RGS12: variants seen among roughly 807,000 people sequenced by gnomAD.
RGS12 encodes the protein regulator of G-protein signaling 12.
RGS12 carries 66 observed loss-of-function variants against 120.1 expected under a neutral mutation model. The ratio of observed to expected loss-of-function variants is 0.55; its 90% CI spans 0.45 to 0.67. The LOEUF is 0.67. RGS12 is among the 30% of genes least tolerant of loss of function. RGS12 has a pLI of 0.00. For missense variants in RGS12, 1,859 were observed against 1,957.7 expected (o/e 0.95, Z 0.95); for synonymous variants, 827 against 804.7 (o/e 1.03, Z -0.47).
chr4:3,349,742 G>A (rs1175643019), intron 3 of RGS12, among the ~76,000 whole-genome samples: 1 of 152,046 alleles, frequency 6.6e-6, no homozygotes, highest in African/African-American at 2.4e-5. Context: ...TTGGAAACAT[G>A]TTTTCCCGTT....
chr4:3,315,817 C>T (rs1724699481), intron 1 of RGS12, among the ~76,000 whole-genome samples: 1 of 152,212 alleles, frequency 6.6e-6, no homozygotes, highest in African/African-American at 2.4e-5. Context: ...GGAAGCAGTC[C>T]TGCATCCTCA....
chr4:3,422,479 G>A lies in RGS12; in HGVS notation c.2942G>A (p.Gly981Asp). 2 of 1,613,088 alleles carry A rather than the reference G, an allele frequency of 1.2e-6. No individual in the cohort carries two copies. Among genetic ancestry groups the A allele is most frequent in the Non-Finnish European group, 1.7e-6 (2 of 1,179,992 alleles). ...TCCTGCGTGGTGGCTGTCAAGGCGG[G>A]CTTCTCCATCAAAGACATCCTGTCC... ...GTSCVVAVKA[G>D]FSIKDILSGL... The change falls in exon 11 of 18, where the codon GGC becomes GAC. Residue 981 changes from glycine to aspartate, a missense_variant. Around this residue, in one of 3 missense-constraint regions of RGS12, gnomAD observed 375 missense variants for 475.0 expected, o/e 0.79. Transcript: ENST00000336727.
chr4:3,421,009 A>C (rs1417250018), intron 10 of RGS12, among the ~76,000 whole-genome samples: 1 of 152,252 alleles, frequency 6.6e-6, no homozygotes, highest in Admixed American at 6.5e-5. Flanking sequence ...TTATTTCTTA[A>C]GTCTTTTTGT....
upstream of RGS12, among the ~76,000 whole-genome samples, chr4:3,292,461 C>T (rs1215312333): frequency 1.3e-5 from 2 of 152,192 alleles, no homozygotes; most frequent in East Asian, 1.9e-4. Context: ...GAACTCACGC[C>T]GCCCCCGAAG....
At chr4:3,425,165 GGTCA>G (rs1346494734) in intron 13 of RGS12, among the ~76,000 whole-genome samples, 2 of 152,142 alleles carry the variant, frequency 1.3e-5, no homozygotes, top group African/African-American at 4.8e-5. Context: ...CAGTTTCGAG[GGTCA>G]GTATTTCCCT....
chr4:3,294,497 T>G (rs1353748646), intron 1 of RGS12, among the ~76,000 whole-genome samples: 1 of 152,222 alleles, frequency 6.6e-6, no homozygotes, highest in Non-Finnish European at 1.5e-5. Context: ...AAAAGCGATA[T>G]AAAAAGGTCC....
chr4:3,431,391 C>G (rs1213598121), intron 17 of RGS12: 1 of 1,016,940 alleles, frequency 9.8e-7, no homozygotes, highest in East Asian at 1.1e-4. Flanking sequence ...CCGCTGTGTT[C>G]ATAGCAGGAG....
chr4:3,368,619 GGGGGGTACATGTGTGTGTGT>G (rs1349737297), intron 3 of RGS12, among the ~76,000 whole-genome samples: 2 of 124,164 alleles, frequency 1.6e-5, no homozygotes, highest in East Asian at 5.0e-4. Context: ...CCTGTGTGTG[GGGGGGTACATGTGTGTGTGT>G]GGTACGTGTG....
At chr4:3,382,823 G>A (rs1050663093) in intron 3 of RGS12, among the ~76,000 whole-genome samples, 2 of 152,066 alleles carry the variant, frequency 1.3e-5, no homozygotes, top group African/African-American at 4.8e-5. Context: ...ATTCCATATG[G>A]TTCTGTTTCC....
At chr4:3,343,363 C>T (rs563338718) in intron 3 of RGS12, among the ~76,000 whole-genome samples, 2 of 152,294 alleles carry the variant, frequency 1.3e-5, no homozygotes, top group South Asian at 4.1e-4. Context: ...GTCATTGCCC[C>T]CTTAAAGACG....
At chr4:3,343,647 C>T (rs778698042) in intron 3 of RGS12, among the ~76,000 whole-genome samples, 21 of 151,928 alleles carry the variant, frequency 1.4e-4, no homozygotes, top group Non-Finnish European at 2.6e-4. Flanking sequence ...GGTTCCTGCC[C>T]GTGCTGTCCT....
intron 3 of RGS12, among the ~76,000 whole-genome samples, chr4:3,368,238 C>T (rs999979864): frequency 1.3e-5 from 2 of 152,194 alleles, no homozygotes; most frequent in Non-Finnish European, 2.9e-5. Flanking sequence ...ATGAGGTTAA[C>T]GGGCAGGTCA....
At chr4:3,324,388 TG>T in intron 2 of RGS12, 1 of 207,864 alleles carries the variant, frequency 4.8e-6, no homozygotes, top group Non-Finnish European at 9.7e-6. Context: ...CATCTCTTAG[TG>T]GGGATGTCCC....
chr4:3,361,811 T>A (rs988870821), intron 3 of RGS12, among the ~76,000 whole-genome samples: 1 of 152,090 alleles, frequency 6.6e-6, no homozygotes, highest in South Asian at 2.1e-4. Context: ...TTAAGTCAGG[T>A]TCAGACAGAG....
chr4:3,303,660 C>T (rs767693201), intron 1 of RGS12, among the ~76,000 whole-genome samples: 6 of 152,182 alleles, frequency 3.9e-5, no homozygotes, highest in African/African-American at 7.2e-5. Flanking sequence ...GGCTTCCCCC[C>T]GCCCCACAGA....
At chr4:3,399,796 G>T (rs145039293) in intron 4 of RGS12, among the ~76,000 whole-genome samples, 2 of 152,320 alleles carry the variant, frequency 1.3e-5, no homozygotes, top group African/African-American at 4.8e-5. Context: ...AAAAATCCTG[G>T]TGGGTTTAAC....
At chr4:3,439,408 C>T (rs1291068881) in intron 17 of RGS12, 47 bp from the exon 18 acceptor site, 33 of 1,604,682 alleles carry the variant, frequency 2.1e-5, no homozygotes, top group Non-Finnish European at 2.8e-5. Flanking sequence ...TTCCGGGGGC[C>T]CAGGGCCGGG....
chr4:3,396,190 T>C (rs1051669174), intron 4 of RGS12, among the ~76,000 whole-genome samples: 1 of 152,210 alleles, frequency 6.6e-6, no homozygotes, highest in African/African-American at 2.4e-5. Context: ...GTATTAGATA[T>C]ACCTTGTGTT....
intron 3 of RGS12, among the ~76,000 whole-genome samples, chr4:3,360,934 A>G (rs1007586873): frequency 2.0e-5 from 3 of 152,226 alleles, no homozygotes; most frequent in African/African-American, 7.2e-5. Flanking sequence ...GTTTCCAGGC[A>G]AATTCCTAGA....
Sources: allele counts gnomAD v4.1 joint callset (sites outside exome capture counted in the v4.1 genomes callset), GRCh38; gene constraint gnomAD v4.1.1; regional missense constraint gnomAD v4.1.1; transcripts MANE v1.5; gene names NCBI Gene and HGNC (gene_info 2026-07-23, HGNC 2026-07-21).